Variants in CAMK1D observed in about 807,000 individuals in gnomAD.
The protein encoded by CAMK1D is calcium/calmodulin-dependent protein kinase type 1D.
CAMK1D carries 9 observed loss-of-function variants against 47.7 expected under a neutral mutation model. The observed-to-expected ratio is 0.19, with a 90% CI of 0.11 to 0.33. CAMK1D has a LOEUF of 0.33. CAMK1D is among the 10% of genes least tolerant of loss of function. CAMK1D has a pLI of 1.00. For missense variants in CAMK1D, 291 were observed against 488.7 expected (o/e 0.60, Z 3.81); for synonymous variants, 184 against 184.9 (o/e 0.99, Z 0.04).
intron 2 of CAMK1D, among the ~76,000 whole-genome samples, chr10:12,591,621 C>T (rs1466060620): frequency 4.6e-5 from 7 of 152,222 alleles, no homozygotes; most frequent in South Asian, 2.1e-4. Context: ...GGAAGAAGCC[C>T]GGCCCTGCTC....
intron 2 of CAMK1D, among the ~76,000 whole-genome samples, chr10:12,586,053 C>T (rs1028213327): frequency 2.6e-5 from 4 of 152,148 alleles, no homozygotes; most frequent in African/African-American, 4.8e-5. Flanking sequence ...CTATGACAAA[C>T]GGTTGCTTGG....
intron 3 of CAMK1D, among the ~76,000 whole-genome samples, chr10:12,717,591 A>T (rs1022342734): frequency 4.1e-5 from 6 of 145,600 alleles, no homozygotes; most frequent in African/African-American, 1.3e-4. Context: ...CTACAAAAGT[A>T]AAAAAAAAAA....
chr10:12,518,589 C>T lies in CAMK1D; in HGVS notation c.93-34636C>T, dbSNP rs1267853666. Reference sequence around the variant, plus strand: ...AGTGGAGGGAAGGTCAGCAGATAAACAAGTGAACAAAGGTCTCTGGTTTTC... The same window carrying T: ...AGTGGAGGGAAGGTCAGCAGATAAATAAGTGAACAAAGGTCTCTGGTTTTC... On this transcript the variant is annotated intron_variant, in intron 1 of 10. Transcript: ENST00000619168. Among the ~76,000 whole-genome samples the T allele has an allele frequency of 1.5e-4, 15 of 96,882 alleles. 3 individuals are homozygous for T. Among genetic ancestry groups the T allele is most frequent in the Non-Finnish European group, 2.9e-4 (13 of 44,992 alleles). The allele number at this position is 96,882 out of a possible 152,430, so 63.6% of individuals were successfully genotyped here. A position where few individuals can be genotyped will look rare whatever the true frequency, so the allele number is the denominator to read the frequency against.
chr10:12,557,162 C>G (rs1434529871), intron 2 of CAMK1D, among the ~76,000 whole-genome samples: 1 of 152,018 alleles, frequency 6.6e-6, no homozygotes, highest in Non-Finnish European at 1.5e-5. Flanking sequence ...GGGAGGATGC[C>G]CTGGTAGAGA....
chr10:12,384,737 A>G (rs1330871713), intron 1 of CAMK1D, among the ~76,000 whole-genome samples: 1 of 152,214 alleles, frequency 6.6e-6, no homozygotes, highest in Non-Finnish European at 1.5e-5. Context: ...AAACTCTTAG[A>G]AGAAAACATA....
intron 1 of CAMK1D, among the ~76,000 whole-genome samples, chr10:12,542,069 G>A (rs1395543732): frequency 6.6e-6 from 1 of 151,628 alleles, no homozygotes; most frequent in African/African-American, 2.4e-5. Context: ...GGTAGAGATG[G>A]GGTTTTACCT....
intron 3 of CAMK1D, among the ~76,000 whole-genome samples, chr10:12,739,834 G>A (rs1438703201): frequency 6.6e-6 from 1 of 152,056 alleles, no homozygotes; most frequent in Admixed American, 6.6e-5. Context: ...CCGACCCATC[G>A]AATCATTTTT....
intron 1 of CAMK1D, among the ~76,000 whole-genome samples, chr10:12,405,609 A>G (rs1001569083): frequency 6.6e-6 from 1 of 152,250 alleles, no homozygotes; most frequent in Admixed American, 6.5e-5. Flanking sequence ...ATATAAGTGA[A>G]ACCAGTGAAA....
At chr10:12,635,486 A>C (rs1276409128) in intron 2 of CAMK1D, among the ~76,000 whole-genome samples, 1 of 152,174 alleles carries the variant, frequency 6.6e-6, no homozygotes, top group Admixed American at 6.5e-5. Flanking sequence ...GGCGCAGTGC[A>C]GGAGCTCTTA....
At chr10:12,512,465 G>A (rs1835068125) in intron 1 of CAMK1D, among the ~76,000 whole-genome samples, 2 of 152,110 alleles carry the variant, frequency 1.3e-5, no homozygotes, top group African/African-American at 4.8e-5. Context: ...ATGCAATCTC[G>A]GCTCACTGCA....
At chr10:12,555,898 C>T (rs1404632083) in intron 2 of CAMK1D, among the ~76,000 whole-genome samples, 1 of 152,162 alleles carries the variant, frequency 6.6e-6, no homozygotes, top group Non-Finnish European at 1.5e-5. Context: ...TAAACCAGTC[C>T]TGTTGATGCC....
chr10:12,553,083 G>A (rs1836639389), intron 1 of CAMK1D, 142 bp from the exon 2 acceptor site: 1 of 1,482,526 alleles, frequency 6.7e-7, no homozygotes. Flanking sequence ...TTAGCAAGGA[G>A]CCACGGTGGA....
chr10:12,782,897 A>C lies in CAMK1D; in HGVS notation c.566-8261A>C, dbSNP rs114437281. Reference sequence around the variant, plus strand: ...AATCCTCTAGTTTACTGTGGCACAGAGCCCAGCCTATAATCCTGTCCTCTG... The same window carrying C: ...AATCCTCTAGTTTACTGTGGCACAGCGCCCAGCCTATAATCCTGTCCTCTG... On this transcript the variant is annotated intron_variant, in intron 5 of 10. Transcript: ENST00000619168. 5.3e-3 allele frequency among the ~76,000 whole-genome samples: 805 copies of C among 152,332 alleles called. 7 individuals carry two copies. Among genetic ancestry groups the C allele is most frequent in the African/African-American group, 0.018 (758 of 41,572 alleles).
intron 3 of CAMK1D, among the ~76,000 whole-genome samples, chr10:12,727,647 T>C (rs111728202): frequency 0.023 from 3,479 of 152,142 alleles, 144 homozygotes; most frequent in African/African-American, 0.076. Flanking sequence ...ATCAACGCAG[T>C]GAGGTTTTTT....
intron 2 of CAMK1D, among the ~76,000 whole-genome samples, chr10:12,569,680 C>T (rs567072315): frequency 2.3e-5 from 3 of 132,822 alleles, no homozygotes; most frequent in Admixed American, 8.4e-5. Context: ...GATCGTGCCA[C>T]TGCACTCTAT....
intron 3 of CAMK1D, among the ~76,000 whole-genome samples, chr10:12,694,132 T>TATATAA (rs1833092551): frequency 9.1e-5 from 2 of 21,928 alleles, no homozygotes; most frequent in Admixed American, 1.9e-3. Context: ...ATAATATATA[T>TATATAA]TATATATAAT....
At chr10:12,627,454 G>T (rs1439777373) in intron 2 of CAMK1D, among the ~76,000 whole-genome samples, 1 of 152,068 alleles carries the variant, frequency 6.6e-6, no homozygotes, top group Non-Finnish European at 1.5e-5. Context: ...TTTTTGGACT[G>T]TTATATACTT....
intron 1 of CAMK1D, among the ~76,000 whole-genome samples, chr10:12,496,182 G>C (rs1834533619): frequency 6.6e-6 from 1 of 152,024 alleles, no homozygotes; most frequent in Admixed American, 6.6e-5. Flanking sequence ...ATGCATTCTT[G>C]GTAAATTACC....
chr10:12,642,109 T>C (rs1487953541), intron 2 of CAMK1D, among the ~76,000 whole-genome samples: 1 of 152,004 alleles, frequency 6.6e-6, no homozygotes, highest in African/African-American at 2.4e-5. Context: ...CTAATTAGAT[T>C]GCTAAATCCA....
Sources: allele counts gnomAD v4.1 joint callset (sites outside exome capture counted in the v4.1 genomes callset), GRCh38; gene constraint gnomAD v4.1.1; transcripts MANE v1.5; gene names NCBI Gene and HGNC (gene_info 2026-07-23, HGNC 2026-07-21).